Variants in TCF12 observed in about 807,000 individuals in gnomAD.
TCF12 encodes DNA-binding protein HTF4.
A neutral mutation model predicts 86.0 loss-of-function variants in TCF12; 45 were observed. That is an observed-to-expected ratio of 0.52 (90% CI 0.41 to 0.67). TCF12 has a LOEUF of 0.67. TCF12 is among the 30% of genes least tolerant of loss of function. The pLI is 0.00. For missense variants in TCF12, 881 were observed against 859.9 expected (o/e 1.02, Z -0.31); for synonymous variants, 330 against 299.6 (o/e 1.10, Z -1.05).
At chr15:57,102,055 G>A (rs2169468) in intron 5 of TCF12, among the ~76,000 whole-genome samples, 124,543 of 151,970 alleles carry the variant, frequency 0.82, 51,510 homozygotes, top group African/African-American at 0.94. Context: ...TAAACATGTA[G>A]GTAGTTATAT....
rs531893626 is a variant in TCF12 at position 57,263,617 on chromosome 15, T to G, written c.1745+343T>G. On this transcript the variant is annotated intron_variant, in intron 18 of 20. Transcript: ENST00000333725. Reference sequence around the variant, plus strand: ...TGTGGTACGGACATTTAGATAGATTTGATCAATAAATATTTGAATATGGTC... The same window carrying G: ...TGTGGTACGGACATTTAGATAGATTGGATCAATAAATATTTGAATATGGTC... Among the ~76,000 whole-genome samples, 13 of 151,368 alleles carry G rather than the reference T, an allele frequency of 8.6e-5. No homozygotes were observed. The East Asian group carries it at 2.5e-3, about 29-fold the overall frequency.
At chr15:57,253,232 A>G (rs777071177) in intron 15 of TCF12, 30 bp from the exon 16 acceptor site, 9 of 1,610,274 alleles carry the variant, frequency 5.6e-6, no homozygotes, top group Non-Finnish European at 7.6e-6. Flanking sequence ...GCCAGCAATA[A>G]CCACCATGTT....
chr15:57,002,042 G>A (rs368958330), intron 3 of TCF12, among the ~76,000 whole-genome samples: 6 of 152,296 alleles, frequency 3.9e-5, no homozygotes, highest in Non-Finnish European at 8.8e-5. Flanking sequence ...GTTGAGAAGC[G>A]TATCTATGTC....
chr15:57,136,740 A>C (rs1056269018), intron 5 of TCF12, among the ~76,000 whole-genome samples: 13 of 151,962 alleles, frequency 8.6e-5, no homozygotes, highest in Non-Finnish European at 4.4e-5. Context: ...CAGTGTTGCT[A>C]TCATGCCTTA....
intron 8 of TCF12, among the ~76,000 whole-genome samples, chr15:57,201,321 C>T: frequency 6.6e-6 from 1 of 152,076 alleles, no homozygotes; most frequent in Non-Finnish European, 1.5e-5. Context: ...ACCAGGTGCT[C>T]TGGTGACATA....
At chr15:57,222,402 G>A (rs1239884507) in intron 8 of TCF12, among the ~76,000 whole-genome samples, 1 of 151,828 alleles carries the variant, frequency 6.6e-6, no homozygotes, top group Non-Finnish European at 1.5e-5. Flanking sequence ...GCATGTAGGT[G>A]TAGAAAAGAA....
In TCF12 at chr15:57,276,962, GC is replaced by G. The variant is rs535956228; in HGVS notation, c.1978+3703del. 1.8e-4 allele frequency among the ~76,000 whole-genome samples: 27 copies of G among 151,850 alleles called. No homozygotes were observed. In the East Asian group the frequency reaches 5.1e-3, roughly 28 times the overall value. ...TGGGATTACAGGCACGCATCACCAT[GC>G]CCAGTTAATTTTTTGTATTTTTAGT... is the stretch of plus-strand genomic sequence containing the variant. On this transcript the variant is annotated intron_variant, in intron 19 of 20. Coordinates refer to ENST00000333725, the MANE Select transcript of TCF12 (RefSeq NM_207037.2).
chr15:57,194,953 A>T (rs1189963137), intron 7 of TCF12, among the ~76,000 whole-genome samples: 1 of 151,990 alleles, frequency 6.6e-6, no homozygotes, highest in African/African-American at 2.4e-5. Context: ...CCCAGGCTGG[A>T]GTACAATGGC....
chr15:56,958,385 T>C (rs1196775649), intron 3 of TCF12, among the ~76,000 whole-genome samples: 1 of 152,264 alleles, frequency 6.6e-6, no homozygotes, highest in African/African-American at 2.4e-5. Context: ...TTATTTCATT[T>C]ATTTTCTCCA....
intron 3 of TCF12, among the ~76,000 whole-genome samples, chr15:57,017,854 TTTC>T (rs544913214): frequency 5.9e-5 from 9 of 152,212 alleles, no homozygotes; most frequent in South Asian, 2.1e-4. Context: ...TACATGTATA[TTTC>T]TTCTTCTTCA....
rs190879960 is a variant in TCF12, at chr15:57,111,099, C to T, written c.325+19208C>T. ...TTTTTAACGTCCTCTCTTTTTTGGC[C>T]TGCTGTGATCATACTCTGTTCTAGC... On this transcript the variant is annotated intron_variant, in intron 5 of 20. Transcript: ENST00000333725. 7.2e-5 allele frequency among the ~76,000 whole-genome samples: 11 copies of T among 152,068 alleles called. No individual in the cohort carries two copies. In the East Asian group the frequency reaches 2.1e-3, roughly 29 times the overall value.
At position 57,050,467 on chromosome 15, in the gene TCF12, A is replaced by G. The variant is rs183261816; in HGVS notation, c.149-13283A>G. 3.9e-5 allele frequency among the ~76,000 whole-genome samples: 6 copies of G among 152,074 alleles called. No individual in the cohort carries two copies. The East Asian group carries it at 5.8e-4, about 15-fold the overall frequency. ...TAATTTATCTTTTTTCTCTCTGGTG[A>G]ATTGAAGATTTCTTTCTTTGCGTTT... On this transcript the variant is annotated intron_variant, in intron 3 of 20. Transcript: ENST00000333725.
chr15:57,254,225 G>A (rs1051025059), intron 16 of TCF12, among the ~76,000 whole-genome samples: 1 of 152,114 alleles, frequency 6.6e-6, no homozygotes, highest in Non-Finnish European at 1.5e-5. Flanking sequence ...CAGATTTTTA[G>A]CTATAAGCCA....
chr15:57,090,701 T>C (rs917125269), intron 4 of TCF12, among the ~76,000 whole-genome samples: 4 of 152,224 alleles, frequency 2.6e-5, no homozygotes, highest in Admixed American at 2.6e-4. Flanking sequence ...ATTTTTTTAG[T>C]CCCCGGGGAT....
At chr15:57,175,268 G>A (rs964576459) in intron 6 of TCF12, among the ~76,000 whole-genome samples, 3 of 152,036 alleles carry the variant, frequency 2.0e-5, no homozygotes, top group Non-Finnish European at 2.9e-5. Flanking sequence ...TGATTGAGGG[G>A]TATCACTTGA....
chr15:57,002,293 T>C (rs1221503152), intron 3 of TCF12, among the ~76,000 whole-genome samples: 2 of 152,196 alleles, frequency 1.3e-5, no homozygotes, highest in African/African-American at 4.8e-5. Flanking sequence ...CACATCTTAC[T>C]GTCCAGAAAA....
At chr15:57,130,570 T>C (rs2052031454) in intron 5 of TCF12, among the ~76,000 whole-genome samples, 1 of 152,148 alleles carries the variant, frequency 6.6e-6, no homozygotes, top group Non-Finnish European at 1.5e-5. Flanking sequence ...TCTCCAGTTA[T>C]TGTTGATTAC....
intron 17 of TCF12, 80 bp from the exon 18 acceptor site, chr15:57,263,032 A>C: frequency 7.0e-7 from 1 of 1,436,054 alleles, no homozygotes; most frequent in Non-Finnish European, 9.4e-7. Flanking sequence ...TTCACCAGCT[A>C]GAAAGCTTTT....
intron 3 of TCF12, among the ~76,000 whole-genome samples, chr15:56,953,087 CTCTG>C (rs1277872656): frequency 2.6e-5 from 4 of 151,938 alleles, no homozygotes; most frequent in Non-Finnish European, 5.9e-5. Flanking sequence ...GGTATCTTTT[CTCTG>C]TCTATTGAGA....
Sources: gnomAD v4.1 joint callset for allele counts (sites outside exome capture counted in the v4.1 genomes callset) on GRCh38, gnomAD v4.1.1 for gene constraint, MANE v1.5 for transcripts, NCBI Gene and HGNC (gene_info 2026-07-23, HGNC 2026-07-21) for gene names.